Variants in COQ8A observed in about 807,000 individuals in gnomAD.
The protein encoded by COQ8A is coenzyme Q8A, also known as atypical kinase COQ8A, mitochondrial.
Under a neutral mutation model 65.0 loss-of-function variants are expected in COQ8A, and 51 were observed. The ratio of observed to expected loss-of-function variants is 0.78; its 90% CI spans 0.63 to 0.99. The LOEUF (loss-of-function observed/expected upper bound fraction) is 0.99, where lower values mean the gene tolerates loss of function less well. COQ8A is among the 50% of genes least tolerant of loss of function. COQ8A has a pLI of 0.00. For synonymous variants in COQ8A, 371 were observed against 353.2 expected, an observed-to-expected ratio of 1.05 and a Z score of -0.57; for missense variants, 940 against 875.0, an observed-to-expected ratio of 1.07 and a Z score of -0.94.
rs1003271148 is a variant in COQ8A at position 226,949,190 on chromosome 1, G to T, written c.-10+8791G>T. On this transcript the variant is annotated intron_variant, in intron 1 of 14. Coordinates refer to ENST00000366777, the MANE Select transcript of COQ8A (RefSeq NM_020247.5). This position sits in a 1 kb window ranked among gnomAD's most constrained non-coding sequence, Gnocchi z 4.0. ...TGGAGTGCGCTCACATGGCTCGCGCGTAGCTGGAGGCTGGAAAGGAGGCCG... is the reference window on the plus strand; with the variant it reads ...TGGAGTGCGCTCACATGGCTCGCGCTTAGCTGGAGGCTGGAAAGGAGGCCG... 6.6e-6 allele frequency among the ~76,000 whole-genome samples: 1 copy of T among 152,002 alleles called. No homozygotes were observed. The highest frequency in any genetic ancestry group is 2.1e-4 in the South Asian group (1 of 4,766).
Position 226,986,564 on chromosome 1 carries a change from A to C in COQ8A, c.1771A>C (p.Ile591Leu). Reference protein sequence around the residue: ...QSTTEKIHNLIPVMLRHRLVP... With the variant: ...QSTTEKIHNLLPVMLRHRLVP... ...CACCACCGAGAAGATCCACAACCTGATTCCCGTCATGCTGAGGCACCGTCT... is the reference window on the plus strand; with the variant it reads ...CACCACCGAGAAGATCCACAACCTGCTTCCCGTCATGCTGAGGCACCGTCT... The change falls in exon 15 of 15, where the codon ATT becomes CTT. Residue 591 changes from isoleucine (I) to leucine (L), a missense_variant. Physicochemically the swap from Ile to Leu is conservative, Grantham distance 5 (BLOSUM62 2). Coordinates refer to ENST00000366777, the MANE Select transcript of COQ8A (RefSeq NM_020247.5). 6.2e-7 allele frequency: 1 copy of C among 1,613,588 alleles called. No individual in the cohort carries two copies. The highest frequency in any genetic ancestry group is 1.3e-5 in the African/African-American group (1 of 74,824).
At chr1:226,978,452 ACACACCCTC>A (rs1659426887) in intron 5 of COQ8A, among the ~76,000 whole-genome samples, 5 of 141,160 alleles carry the variant, frequency 3.5e-5, no homozygotes, top group South Asian at 2.3e-4. Context: ...ACACCTCCTT[ACACACCCTC>A]CACACCCACC....
At chr1:226,958,015 G>A (rs572630564) in intron 1 of COQ8A, 10 of 152,106 alleles carry the variant, frequency 6.6e-5, no homozygotes, top group African/African-American at 2.4e-4. Context: ...CATTTATCAC[G>A]GTTCTTTTTC....
chr1:226,982,715 C>T lies in COQ8A; in HGVS notation c.891C>T (p.Phe297=), dbSNP rs55968053. 138 of 1,613,686 alleles carry T rather than the reference C, an allele frequency of 8.6e-5. No homozygotes were observed. In the East Asian group the frequency reaches 2.1e-3, roughly 25 times the overall value. Residue 297 remains phenylalanine, a synonymous_variant, in exon 7 of 15, where the codon TTC becomes TTT. Coordinates refer to ENST00000366777, the MANE Select transcript of COQ8A (RefSeq NM_020247.5). ...AFINPHLAKI[F]ERVRQSADFM... The stretch of plus-strand genomic sequence containing the variant: ...TCAACCCCCACCTGGCTAAGATCTT[C>T]GAGCGGGTGCGGCAGAGCGCGGACT...
rs1158037747 is a variant in COQ8A, at chr1:226,972,643, T to C, written c.656-4806T>C. 2.0e-5 allele frequency among the ~76,000 whole-genome samples: 3 copies of C among 152,218 alleles called. No homozygotes were observed. Among genetic ancestry groups the C allele is most frequent in the Non-Finnish European group, 4.4e-5 (3 of 68,044 alleles). ...AAAGATGCCAGTACACTTCGGATAC[T>C]GTTAATACACCAGCAGCAAAGCTCT... On this transcript the variant is annotated intron_variant, in intron 4 of 14. Coordinates refer to ENST00000366777, the MANE Select transcript of COQ8A (RefSeq NM_020247.5). The surrounding 1 kb of genome is among the most constrained non-coding windows in gnomAD (Gnocchi z 4.3).
rs1311836329 is a variant in COQ8A, at chr1:226,977,342, C to T, written c.656-107C>T. ...AATGCTGGTGTGGCAGCGAGGGCCC[C>T]TGGTGCAAGCGGTGTCTGTGTGGTG... On this transcript the variant is annotated intron_variant, in intron 4 of 14. Transcript: ENST00000366777. 10 of 1,053,444 alleles carry T rather than the reference C, an allele frequency of 9.5e-6. No homozygotes were observed. The Admixed American group carries it at 1.3e-4, about 14-fold the overall frequency. 65.3% of individuals were successfully genotyped at this position (1,053,444 alleles called of 1,614,324 possible). A position where few individuals can be genotyped will look rare whatever the true frequency, so the allele number is the denominator to read the frequency against.
At position 226,984,640 on chromosome 1, in the gene COQ8A, C is replaced by G; in HGVS notation, c.1491C>G (p.Asp497Glu). 1 of 1,614,000 alleles carries G rather than the reference C, an allele frequency of 6.2e-7. No homozygotes were observed. The highest frequency in any genetic ancestry group is 8.5e-7 in the Non-Finnish European group (1 of 1,179,844). The stretch of plus-strand genomic sequence containing the variant: ...CCAACTGGTCCAACTTCTTCTATGA[C>G]CCCCAGCAGCACAAGGTGAGCCCCA... ...TDPNWSNFFY[D>E]PQQHKVALLD... is the part of the protein sequence containing the mutation. The change falls in exon 12 of 15, where the codon GAC becomes GAG. Residue 497 changes from aspartate (D) to glutamate (E), a missense_variant. Transcript: ENST00000366777.
At chr1:226,981,727 G>A (rs1017442627) in intron 5 of COQ8A, among the ~76,000 whole-genome samples, 1 of 152,198 alleles carries the variant, frequency 6.6e-6, no homozygotes, top group African/African-American at 2.4e-5. Context: ...CCATGGCCCT[G>A]TCACGGCCCG....
chr1:226,960,370 G>GTACT (rs1558187350), intron 1 of COQ8A, among the ~76,000 whole-genome samples: 14 of 148,482 alleles, frequency 9.4e-5, no homozygotes, highest in Non-Finnish European at 1.3e-4. Context: ...CTTGGTGGTG[G>GTACT]TGGTGGTACT....
chr1:226,978,236 C>CG (rs1659391834), intron 5 of COQ8A, among the ~76,000 whole-genome samples: 1 of 106,960 alleles, frequency 9.3e-6, no homozygotes, highest in African/African-American at 2.9e-5. Flanking sequence ...ACACACCCAC[C>CG]ACACACACCT....
chr1:226,983,185 G>A, intron 8 of COQ8A, 151 bp downstream of exon 8: 1 of 1,203,884 alleles, frequency 8.3e-7, no homozygotes, highest in Non-Finnish European at 1.1e-6. Flanking sequence ...CCCAGTGCCT[G>A]GACGGCACCA....
chr1:226,977,030 C>G (rs1404588123), intron 4 of COQ8A, among the ~76,000 whole-genome samples: 1 of 152,302 alleles, frequency 6.6e-6, no homozygotes, highest in South Asian at 2.1e-4. Context: ...GCTCTTCAGA[C>G]AGACCTGAAG....
chr1:226,976,406 G>C (rs1659231812), intron 4 of COQ8A, among the ~76,000 whole-genome samples: 1 of 151,878 alleles, frequency 6.6e-6, no homozygotes. Context: ...CTGTGGGACT[G>C]CGATGTTGCC....
chr1:226,985,207 C>T lies in COQ8A; in HGVS notation c.1573-47C>T, dbSNP rs749081600. On this transcript the variant is annotated intron_variant, in intron 13 of 14. Transcript: ENST00000366777. Reference sequence around the variant, plus strand: ...ACTTGGCTCCCTGGGATGTCGGGAGCTGAGCTTTTCATGCTGCCCACGGTC... The same window carrying T: ...ACTTGGCTCCCTGGGATGTCGGGAGTTGAGCTTTTCATGCTGCCCACGGTC... 4 of 1,595,974 alleles carry T rather than the reference C, an allele frequency of 2.5e-6. No homozygotes were observed. The Admixed American group carries it at 5.0e-5, about 20-fold the overall frequency.
intron 1 of COQ8A, among the ~76,000 whole-genome samples, chr1:226,960,163 T>TTGG (rs1221366316): frequency 7.3e-6 from 1 of 137,160 alleles, no homozygotes; most frequent in African/African-American, 2.8e-5. Flanking sequence ...GTGGTGGTAC[T>TTGG]TGGTGGTGGT....
chr1:226,960,476 CAGTGGTACTT>C (rs1658160135), intron 1 of COQ8A, among the ~76,000 whole-genome samples: 1 of 16,042 alleles, frequency 6.2e-5, no homozygotes, highest in Non-Finnish European at 1.4e-4. Flanking sequence ...GTGGTGGTGG[CAGTGGTACTT>C]GGTGGTGGTG....
At chr1:226,966,858 C>T (rs981451402) in intron 4 of COQ8A, among the ~76,000 whole-genome samples, 5 of 152,056 alleles carry the variant, frequency 3.3e-5, no homozygotes, top group African/African-American at 7.3e-5. Flanking sequence ...CTGGGAGCTG[C>T]GTAATGTGTG....
At chr1:226,981,959 G>A (rs990933353) in intron 5 of COQ8A, 68 bp from the exon 6 acceptor site, 36 of 1,608,594 alleles carry the variant, frequency 2.2e-5, no homozygotes, top group Non-Finnish European at 2.9e-5. Flanking sequence ...GTCTGTATCA[G>A]GTGGGGCTTG....
chr1:226,978,658 A>C (rs1572070265), intron 5 of COQ8A, among the ~76,000 whole-genome samples: 2 of 57,450 alleles, frequency 3.5e-5, no homozygotes, highest in Admixed American at 1.6e-4. Flanking sequence ...TACCCTCCAC[A>C]CACCTGCCCA....
Sources: allele counts gnomAD v4.1 joint callset (sites outside exome capture counted in the v4.1 genomes callset), GRCh38; gene constraint gnomAD v4.1.1; non-coding constraint Gnocchi (gnomAD v3.1); transcripts MANE v1.5; gene names NCBI Gene and HGNC (gene_info 2026-07-23, HGNC 2026-07-21).